BMP2: variants seen among roughly 807,000 people sequenced by gnomAD.
The protein encoded by BMP2 is bone morphogenetic protein 2A.
In BMP2, 2 loss-of-function variants were observed where a neutral mutation model predicts 28.8. That is an observed-to-expected ratio of 0.07 (90% confidence interval 0.03 to 0.22). The LOEUF (loss-of-function observed/expected upper bound fraction) is 0.22. BMP2 is among the 10% of genes least tolerant of loss of function. The pLI, the probability that BMP2 is intolerant of heterozygous loss-of-function variation, is 1.00. For missense variants in BMP2, 437 were observed against 517.7 expected (o/e 0.84, Z 1.51); for synonymous variants, 218 against 204.3 (o/e 1.07, Z -0.57).
rs1026133701 is a variant in BMP2 at position 6,779,317 on chromosome 20, G to T, written c.*228G>T. On this transcript the variant is annotated 3_prime_UTR_variant, in exon 3 of 3. Transcript: ENST00000378827. ...TTTAATCAGAGAATTATTCCTTAAA[G>T]ATTTAAAATGTATTTAGTTGTACAT... The T allele has an allele frequency of 1.8e-5, 3 of 170,970 alleles. No individual in the cohort carries two copies. The highest frequency in any genetic ancestry group is 2.4e-5 in the Non-Finnish European group (2 of 81,706). The allele number at this position is 170,970 out of a possible 1,614,324, so 10.6% of individuals were successfully genotyped here. A position where few individuals can be genotyped will look rare whatever the true frequency, so the allele number is the denominator to read the frequency against.
At chr20:6,777,403 G>A (rs748200045) in intron 2 of BMP2, among the ~76,000 whole-genome samples, 9 of 151,464 alleles carry the variant, frequency 5.9e-5, no homozygotes, top group Non-Finnish European at 1.3e-4. Flanking sequence ...GTAGGTACAT[G>A]GTTTTTTAAC....
rs140417301 is a variant in BMP2 at position 6,778,291 on chromosome 20, A to G, written c.393A>G (p.Arg131=). Residue 131 remains arginine, a synonymous_variant, in exon 3 of 3, where the codon AGA becomes AGG. Transcript: ENST00000378827. The surrounding 1 kb of genome is among the most constrained non-coding windows in gnomAD (Gnocchi z 5.0). ...LPETSGKTTR[R]FFFNLSSIPT... is the part of the protein sequence containing the mutation. ...AAACGAGTGGGAAAACAACCCGGAG[A>G]TTCTTCTTTAATTTAAGTTCTATCC... The G allele has an allele frequency of 1.2e-6, 2 of 1,609,136 alleles. No homozygotes were observed. The highest frequency in any genetic ancestry group is 1.7e-6 in the Non-Finnish European group (2 of 1,178,238).
In BMP2 at chr20:6,768,393, C is replaced by T. The variant is rs1600169131; in HGVS notation, c.-490C>T. On this transcript the variant is annotated 5_prime_UTR_variant, in exon 1 of 3. Coordinates refer to ENST00000378827, the MANE Select transcript of BMP2 (RefSeq NM_001200.4). ...GCCGCGGCGGAGCTAGCGCGGAGCG[C>T]CCGACCCTCGACCCCCGAGTCCCGG... 7 of 395,392 alleles carry T rather than the reference C, an allele frequency of 1.8e-5. No homozygotes were observed. In the South Asian group the frequency reaches 9.6e-4, roughly 54 times the overall value. The allele number at this position is 395,392 out of a possible 1,614,324, so 24.5% of individuals were successfully genotyped here. A position where few individuals can be genotyped will look rare whatever the true frequency, so the allele number is the denominator to read the frequency against.
Position 6,779,134 on chromosome 20 carries a change from TAGAAAAA to T in BMP2, c.*54_*60del, listed in dbSNP as rs926041905. On this transcript the variant is annotated 3_prime_UTR_variant, in exon 3 of 3. Coordinates refer to ENST00000378827, the MANE Select transcript of BMP2 (RefSeq NM_001200.4). ...TAAATATATATATATATATATATTT[TAGAAAAA>T]AGAAAAAAACAAACAAACAAAAAAA... is the stretch of plus-strand genomic sequence containing the variant. 1.0e-6 allele frequency: 1 copy of T among 952,610 alleles called. No individual in the cohort carries two copies. Among genetic ancestry groups the T allele is most frequent in the Admixed American group, 4.5e-5 (1 of 22,168 alleles). 59.0% of individuals were successfully genotyped at this position (952,610 alleles called of 1,614,324 possible). A position where few individuals can be genotyped will look rare whatever the true frequency, so the allele number is the denominator to read the frequency against.
chr20:6,775,680 AGG>A (rs1348350282), intron 2 of BMP2, among the ~76,000 whole-genome samples: 1 of 151,642 alleles, frequency 6.6e-6, no homozygotes, highest in Non-Finnish European at 1.5e-5. Flanking sequence ...ATTTTTTGGG[AGG>A]TTATTATTCT....
At chr20:6,771,264 A>C (rs918300687) in intron 2 of BMP2, among the ~76,000 whole-genome samples, 1 of 152,098 alleles carries the variant, frequency 6.6e-6, no homozygotes, top group Non-Finnish European at 1.5e-5. Flanking sequence ...TCAGAAGGGC[A>C]TTTAGTGGAC....
At chr20:6,770,566 C>T in intron 2 of BMP2, 94 bp downstream of exon 2, 1 of 1,257,720 alleles carries the variant, frequency 8.0e-7, no homozygotes, top group Non-Finnish European at 1.1e-6. Flanking sequence ...GGCAGCTTGG[C>T]CGGGGCACCA....
At chr20:6,774,832 G>T (rs1986467502) in intron 2 of BMP2, among the ~76,000 whole-genome samples, 3 of 152,156 alleles carry the variant, frequency 2.0e-5, no homozygotes, top group Non-Finnish European at 2.9e-5. Flanking sequence ...GGAAAAGGAG[G>T]CCAGAGTGGA....
chr20:6,769,612 G>GGTGTGTGTGTGT (rs61071559), intron 1 of BMP2, among the ~76,000 whole-genome samples: 3,093 of 139,952 alleles, frequency 0.022, 44 homozygotes, highest in East Asian at 0.044. Context: ...AAGCTATAAG[G>GGTGTGTGTGTGT]GTGTGTGTGT....
In BMP2 at chr20:6,779,674, A is replaced by G. The variant is rs976230008; in HGVS notation, c.*585A>G. 4 of 152,662 alleles carry G rather than the reference A, an allele frequency of 2.6e-5. No homozygotes were observed. Among genetic ancestry groups the G allele is most frequent in the Non-Finnish European group, 2.9e-5 (2 of 68,046 alleles). The allele number at this position is 152,662 out of a possible 1,614,324, so 9.5% of individuals were successfully genotyped here. A position where few individuals can be genotyped will look rare whatever the true frequency, so the allele number is the denominator to read the frequency against. On this transcript the variant is annotated 3_prime_UTR_variant, in exon 3 of 3. Coordinates refer to ENST00000378827, the MANE Select transcript of BMP2 (RefSeq NM_001200.4). ...ACTTTCAAGATTATTATATTATTCA[A>G]TTCTCAGGAATGTTGCAGAGTGATT...
intron 1 of BMP2, 115 bp from the exon 2 acceptor site, chr20:6,770,005 C>A: frequency 1.8e-6 from 2 of 1,114,054 alleles, no homozygotes; most frequent in Non-Finnish European, 2.5e-6. Flanking sequence ...GTGTGCCAAG[C>A]CAGGAGGGCA....
chr20:6,776,937 A>G (rs553748051), intron 2 of BMP2, among the ~76,000 whole-genome samples: 3 of 152,356 alleles, frequency 2.0e-5, no homozygotes, highest in Admixed American at 1.3e-4. Context: ...TCTTCTTATG[A>G]TAACATGGAA....
Position 6,778,514 on chromosome 20 carries a change from A to C in BMP2, c.616A>C (p.Ser206Arg). The C allele has an allele frequency of 6.2e-7, 1 of 1,614,202 alleles. No homozygotes were observed. Among genetic ancestry groups the C allele is most frequent in the Non-Finnish European group, 8.5e-7 (1 of 1,180,030 alleles). Reference protein sequence around the residue: ...LVNQNASRWESFDVTPAVMRW... With the variant: ...LVNQNASRWERFDVTPAVMRW... Reference sequence around the variant, plus strand: ...GAATCAGAATGCAAGCAGGTGGGAAAGTTTTGATGTCACCCCCGCTGTGAT... The same window carrying C: ...GAATCAGAATGCAAGCAGGTGGGAACGTTTTGATGTCACCCCCGCTGTGAT... The change falls in exon 3 of 3, where the codon AGT (serine) becomes CGT (arginine). Residue 206 changes from serine to arginine, a missense_variant. Around this residue, in one of 2 missense-constraint regions of BMP2, gnomAD observed 363 missense variants for 392.8 expected, o/e 0.92. Coordinates refer to ENST00000378827, the MANE Select transcript of BMP2 (RefSeq NM_001200.4). The surrounding 1 kb of genome is among the most constrained non-coding windows in gnomAD (Gnocchi z 5.0).
At chr20:6,770,518 G>A (rs1364092911) in intron 2 of BMP2, 46 bp downstream of exon 2, 1 of 1,522,386 alleles carries the variant, frequency 6.6e-7, no homozygotes, top group East Asian at 2.3e-5. Flanking sequence ...ACCCTGCAAA[G>A]CCCTCCACCG....
intron 2 of BMP2, among the ~76,000 whole-genome samples, chr20:6,776,050 CT>C (rs1028736296): frequency 1.3e-5 from 2 of 152,136 alleles, no homozygotes; most frequent in Non-Finnish European, 2.9e-5. Flanking sequence ...AGGTTGCTGA[CT>C]TTTACCTTCT....
At chr20:6,769,624 T>TGTGG (rs1205164871) in intron 1 of BMP2, among the ~76,000 whole-genome samples, 2 of 148,818 alleles carry the variant, frequency 1.3e-5, no homozygotes, top group African/African-American at 2.5e-5. Context: ...TGTGTGTGTG[T>TGTGG]GTGTGTGTGT....
chr20:6,774,054 C>T (rs1986452120), intron 2 of BMP2, among the ~76,000 whole-genome samples: 1 of 152,208 alleles, frequency 6.6e-6, no homozygotes, highest in African/African-American at 2.4e-5. Context: ...CACTTTTCTG[C>T]TCATTTCTGT....
chr20:6,777,806 T>A (rs1296726119), intron 2 of BMP2, among the ~76,000 whole-genome samples: 1 of 152,178 alleles, frequency 6.6e-6, no homozygotes, highest in Non-Finnish European at 1.5e-5. Flanking sequence ...GGGATTGGCA[T>A]TAAAGCCTTT....
At chr20:6,773,018 T>G (rs1986430146) in intron 2 of BMP2, among the ~76,000 whole-genome samples, 1 of 152,212 alleles carries the variant, frequency 6.6e-6, no homozygotes, top group African/African-American at 2.4e-5. Flanking sequence ...ACTGGTTGAC[T>G]TCACTGGCCC....
Sources: allele counts gnomAD v4.1 joint callset (sites outside exome capture counted in the v4.1 genomes callset), GRCh38; gene constraint gnomAD v4.1.1; regional missense constraint gnomAD v4.1.1; non-coding constraint Gnocchi (gnomAD v3.1); transcripts MANE v1.5; gene names NCBI Gene and HGNC (gene_info 2026-07-23, HGNC 2026-07-21).